The following TSEN2 variants were observed in gnomAD, a reference collection of about 807,000 sequenced individuals.
The protein encoded by TSEN2 is tRNA splicing endonuclease subunit 2.
Under a neutral mutation model 59.2 loss-of-function variants are expected in TSEN2, and 54 were observed. The ratio of observed to expected loss-of-function variants is 0.91; its 90% CI spans 0.73 to 1.14. The LOEUF (loss-of-function observed/expected upper bound fraction) is 1.14, where lower values mean the gene tolerates loss of function less well. TSEN2 is among the 50% of genes most tolerant of loss of function. The pLI, the probability that TSEN2 is intolerant of heterozygous loss-of-function variation, is 0.00. For synonymous variants in TSEN2, 195 were observed against 198.2 expected (o/e 0.98, Z 0.14); for missense variants, 636 against 576.2 (o/e 1.10, Z -1.06).
At chr3:12,538,273 C>T (rs1014249113), downstream of TSEN2, among the ~76,000 whole-genome samples, 7 of 152,162 alleles carry the variant, frequency 4.6e-5, no homozygotes, top group Non-Finnish European at 5.9e-5. Flanking sequence ...AACAGCCATT[C>T]GTGAATCAAG....
chr3:12,507,367 T>C (rs2054950604), intron 6 of TSEN2, among the ~76,000 whole-genome samples: 1 of 152,304 alleles, frequency 6.6e-6, no homozygotes, highest in South Asian at 2.1e-4. Flanking sequence ...CGTTCTTAGA[T>C]GTTTGGCCTG....
chr3:12,516,553 G>A (rs758354460), intron 6 of TSEN2, 58 bp from the exon 7 acceptor site: 51 of 1,530,886 alleles, frequency 3.3e-5, no homozygotes, highest in Non-Finnish European at 4.3e-5. Flanking sequence ...CTGTAAAATG[G>A]TTTCACAAGA....
chr3:12,516,294 C>G (rs951465299), intron 6 of TSEN2, among the ~76,000 whole-genome samples: 2 of 151,972 alleles, frequency 1.3e-5, no homozygotes, highest in Admixed American at 1.3e-4. Context: ...GGCGTGGCGG[C>G]GGGCGCCTGT....
rs1168872338 is a variant in TSEN2 at position 12,532,774 on chromosome 3, G to T, written c.*53G>T. ...CCAACAACTATTTATTGAGGGCTAG[G>T]TAAAAAGTTCTTTTTGTTGTAATCG... On this transcript the variant is annotated 3_prime_UTR_variant, in exon 12 of 12. Coordinates refer to ENST00000284995, the MANE Select transcript of TSEN2 (RefSeq NM_025265.4). 1 of 1,570,272 alleles carries T rather than the reference G, an allele frequency of 6.4e-7. No homozygotes were observed. Among genetic ancestry groups the T allele is most frequent in the Admixed American group, 1.7e-5 (1 of 59,926 alleles).
chr3:12,504,354 G>A (rs2054598757), intron 5 of TSEN2, among the ~76,000 whole-genome samples: 1 of 152,166 alleles, frequency 6.6e-6, no homozygotes, highest in Non-Finnish European at 1.5e-5. Context: ...GGACGAGGCA[G>A]GAGGATCACT....
At chr3:12,539,172 C>T (rs903703470) in exon 11 of TSEN2, 9 of 438,062 alleles carry the variant, frequency 2.1e-5, no homozygotes, top group East Asian at 7.2e-5. Flanking sequence ...CTCGCTCTGT[C>T]GTCCAGGCTG....
intron 6 of TSEN2, among the ~76,000 whole-genome samples, chr3:12,506,061 G>A (rs746946219): frequency 1.3e-5 from 2 of 152,066 alleles, no homozygotes; most frequent in Non-Finnish European, 2.9e-5. Context: ...AGTGGATTTC[G>A]GATTGGCTGA....
chr3:12,500,711 T>C (rs2054206610), intron 4 of TSEN2, among the ~76,000 whole-genome samples: 1 of 152,252 alleles, frequency 6.6e-6, no homozygotes, highest in Non-Finnish European at 1.5e-5. Context: ...ACGTGTCTTA[T>C]TTAATTCTTG....
rs779844571 is a variant in TSEN2 at position 12,503,791 on chromosome 3, A to G, written c.831+7A>G. 1.9e-6 allele frequency: 3 copies of G among 1,613,308 alleles called. No individual in the cohort carries two copies. The highest frequency in any genetic ancestry group is 2.5e-6 in the Non-Finnish European group (3 of 1,179,852). On this transcript the variant is annotated splice_region_variant and intron_variant, in intron 5 of 11. Transcript: ENST00000284995. The stretch of plus-strand genomic sequence containing the variant: ...GGCTGCCCCAAATGAGGAAGTAAGT[A>G]GAAGAAAATAAATCGCTTCCTCCAA...
At chr3:12,482,252 G>T (rs1474730248), upstream of TSEN2, among the ~76,000 whole-genome samples, 2 of 152,124 alleles carry the variant, frequency 1.3e-5, no homozygotes, top group Non-Finnish European at 2.9e-5. Flanking sequence ...CTCCAGGGTA[G>T]CTGGGATTAT....
chr3:12,503,613 CTG>C lies in TSEN2; in HGVS notation c.662_663del (p.Cys221LeufsTer16). On this transcript the variant is annotated frameshift_variant, in exon 5 of 12. Coordinates refer to ENST00000284995, the MANE Select transcript of TSEN2 (RefSeq NM_025265.4). LOFTEE classifies it high-confidence loss of function. Reference protein sequence around the residue: ...REDASPLPHVCCCKQDALILQ... With the variant: ...REDASPLPHVXCCKQDALILQ... Reference sequence around the variant, plus strand: ...AGGATGCCTCACCTCTGCCCCATGTCTGTTGCTGCAAACAAGATGCTCTCATC... The same window carrying C: ...AGGATGCCTCACCTCTGCCCCATGTCTTGCTGCAAACAAGATGCTCTCATC... 12 of 1,594,776 alleles carry C rather than the reference CTG, an allele frequency of 7.5e-6. No individual in the cohort carries two copies. The highest frequency in any genetic ancestry group is 1.0e-5 in the Non-Finnish European group (12 of 1,169,394).
chr3:12,483,873 C>G (rs1443719628), upstream of TSEN2, among the ~76,000 whole-genome samples: 1 of 152,168 alleles, frequency 6.6e-6, no homozygotes, highest in Non-Finnish European at 1.5e-5. Flanking sequence ...TCAGTAAACT[C>G]AAGCTCAGAA....
At chr3:12,501,333 G>T (rs912013480) in intron 4 of TSEN2, among the ~76,000 whole-genome samples, 27 of 152,174 alleles carry the variant, frequency 1.8e-4, no homozygotes, top group African/African-American at 6.5e-4. Context: ...TAAGTAACAG[G>T]GCTGGACACA....
At chr3:12,526,026 C>A (rs1382151065) in intron 8 of TSEN2, among the ~76,000 whole-genome samples, 1 of 151,980 alleles carries the variant, frequency 6.6e-6, no homozygotes, top group African/African-American at 2.4e-5. Context: ...TAACCTGCAC[C>A]CAGCCAGGTT....
intron 10 of TSEN2, chr3:12,539,000 A>G (rs1240757149): frequency 3.1e-6 from 1 of 325,160 alleles, no homozygotes; most frequent in Non-Finnish European, 5.9e-6. Flanking sequence ...GATTTCAGTC[A>G]TTGCTGGGCT....
intron 8 of TSEN2, among the ~76,000 whole-genome samples, chr3:12,527,093 G>T (rs2057142660): frequency 6.6e-6 from 1 of 152,182 alleles, no homozygotes; most frequent in African/African-American, 2.4e-5. Context: ...CCAGTACATG[G>T]TTTCTTTCCA....
intron 6 of TSEN2, 50 bp downstream of exon 6, chr3:12,505,281 C>A: frequency 8.9e-7 from 1 of 1,124,600 alleles, no homozygotes; most frequent in Non-Finnish European, 1.4e-6. Flanking sequence ...TGGGCCTGAA[C>A]TACACTATAT....
At chr3:12,481,795 T>C (rs545125738), upstream of TSEN2, among the ~76,000 whole-genome samples, 48 of 152,314 alleles carry the variant, frequency 3.2e-4, no homozygotes, top group Non-Finnish European at 6.0e-4. Context: ...TATCTTGTAT[T>C]TCTCCTGGAA....
downstream of TSEN2, among the ~76,000 whole-genome samples, chr3:12,538,276 G>C (rs1323916824): frequency 2.0e-5 from 3 of 152,216 alleles, no homozygotes; most frequent in Admixed American, 1.3e-4. Context: ...AGCCATTCGT[G>C]AATCAAGCCG....
Sources: allele counts gnomAD v4.1 joint callset (sites outside exome capture counted in the v4.1 genomes callset), GRCh38; gene constraint gnomAD v4.1.1; transcripts MANE v1.5; gene names NCBI Gene and HGNC (gene_info 2026-07-23, HGNC 2026-07-21).